Variants in SVOP observed in about 807,000 individuals in gnomAD.
SVOP encodes the protein SV2 related protein.
Under a neutral mutation model 69.1 loss-of-function variants are expected in SVOP, and 17 were observed. The observed-to-expected ratio is 0.25, with a 90% CI of 0.17 to 0.37. SVOP has a LOEUF of 0.37. Among genes scored for constraint, SVOP ranks in the 10% least tolerant of loss-of-function variants. SVOP has a pLI of 1.00. For synonymous variants in SVOP, 238 were observed against 238.6 expected, an observed-to-expected ratio of 1.00 and a Z score of 0.02; for missense variants, 435 against 597.5, an observed-to-expected ratio of 0.73 and a Z score of 2.84.
At chr12:108,978,051 A>AC (rs1333332570) in intron 3 of SVOP, among the ~76,000 whole-genome samples, 2 of 152,196 alleles carry the variant, frequency 1.3e-5, no homozygotes, top group Non-Finnish European at 2.9e-5. Flanking sequence ...AATTTGGTAT[A>AC]CGATAAAGGC....
intron 5 of SVOP, among the ~76,000 whole-genome samples, chr12:108,961,377 T>C (rs1233268571): frequency 1.3e-5 from 2 of 152,122 alleles, no homozygotes; most frequent in Non-Finnish European, 2.9e-5. Flanking sequence ...TGAAACTCTG[T>C]TTCTGATGAT....
chr12:108,990,174 T>G (rs2040191731), intron 1 of SVOP, among the ~76,000 whole-genome samples: 1 of 152,160 alleles, frequency 6.6e-6, no homozygotes, highest in Non-Finnish European at 1.5e-5. Context: ...TAAACTGAGC[T>G]GGCTTGTGTG....
intron 5 of SVOP, among the ~76,000 whole-genome samples, chr12:108,971,315 G>T (rs560718557): frequency 6.6e-6 from 1 of 152,092 alleles, no homozygotes; most frequent in East Asian, 1.9e-4. Context: ...TGTAATCCCA[G>T]CTACTTGGGT....
At chr12:108,965,640 A>G (rs2040040749) in intron 5 of SVOP, among the ~76,000 whole-genome samples, 1 of 61,554 alleles carries the variant, frequency 1.6e-5, no homozygotes, top group African/African-American at 3.3e-5. Flanking sequence ...GATAAATAAA[A>G]CACATCGGGG....
At chr12:108,970,824 G>A (rs1025496041) in intron 5 of SVOP, among the ~76,000 whole-genome samples, 1 of 151,816 alleles carries the variant, frequency 6.6e-6, no homozygotes, top group African/African-American at 2.4e-5. Flanking sequence ...AGACCAGCCT[G>A]GGCAACATAG....
chr12:108,997,086 G>A (rs1227889236), intron 1 of SVOP, among the ~76,000 whole-genome samples: 3 of 152,288 alleles, frequency 2.0e-5, no homozygotes, highest in Non-Finnish European at 2.9e-5. Flanking sequence ...GACAGTGGGC[G>A]CAGGTCAGTG....
At chr12:108,927,151 T>C (rs769926639) in intron 11 of SVOP, among the ~76,000 whole-genome samples, 23 of 152,222 alleles carry the variant, frequency 1.5e-4, no homozygotes, top group East Asian at 1.9e-4. Context: ...CCTGGGGGAT[T>C]GGGGGCTTGA....
At chr12:108,988,838 T>C (rs1446733996) in intron 1 of SVOP, among the ~76,000 whole-genome samples, 3 of 146,644 alleles carry the variant, frequency 2.0e-5, no homozygotes, top group Non-Finnish European at 4.5e-5. Context: ...AATGGCATGA[T>C]CTCTGGTAAC....
chr12:108,985,826 A>G (rs1249033872), intron 1 of SVOP, among the ~76,000 whole-genome samples: 2 of 152,258 alleles, frequency 1.3e-5, no homozygotes, highest in Non-Finnish European at 2.9e-5. Flanking sequence ...ATTATTAACG[A>G]TTGCATCATT....
At chr12:108,932,755 A>C (rs2039829357) in intron 11 of SVOP, among the ~76,000 whole-genome samples, 1 of 152,158 alleles carries the variant, frequency 6.6e-6, no homozygotes, top group Non-Finnish European at 1.5e-5. Flanking sequence ...CAAAGATCGT[A>C]AGACCGACAA....
intron 11 of SVOP, among the ~76,000 whole-genome samples, chr12:108,929,826 C>A (rs1345306007): frequency 6.6e-6 from 1 of 152,170 alleles, no homozygotes; most frequent in Non-Finnish European, 1.5e-5. Flanking sequence ...CACTTCTGTC[C>A]AGCTCTGGCT....
chr12:108,951,972 T>C (rs1457213936), intron 6 of SVOP, among the ~76,000 whole-genome samples: 2 of 152,184 alleles, frequency 1.3e-5, no homozygotes, highest in African/African-American at 4.8e-5. Flanking sequence ...TAGTTCCAAG[T>C]ATAGGCCTCA....
chr12:108,949,218 C>A (rs956657373), intron 6 of SVOP, among the ~76,000 whole-genome samples: 1 of 152,020 alleles, frequency 6.6e-6, no homozygotes, highest in Non-Finnish European at 1.5e-5. Flanking sequence ...CCCCAACTCC[C>A]ATTCCTCTCC....
intron 1 of SVOP, among the ~76,000 whole-genome samples, chr12:109,011,866 T>C (rs1181588674): frequency 1.3e-5 from 2 of 152,160 alleles, no homozygotes; most frequent in African/African-American, 4.8e-5. Flanking sequence ...AGACAAATAC[T>C]GCATGATCTC....
intron 1 of SVOP, among the ~76,000 whole-genome samples, chr12:108,987,491 CTA>C (rs1404462647): frequency 5.9e-5 from 9 of 152,164 alleles, no homozygotes; most frequent in Non-Finnish European, 1.5e-5. Context: ...AAGGGTTATT[CTA>C]TGTTTTATTT....
In SVOP at chr12:108,918,120, C is replaced by T. The variant is rs1406633979; in HGVS notation, c.1273G>A (p.Val425Met). Residue 425 changes from valine (V) to methionine (M), a missense_variant, in exon 14 of 16, where the codon GTG (valine) becomes ATG (methionine). Coordinates refer to ENST00000610966, the MANE Select transcript of SVOP (RefSeq NM_018711.5). Reference sequence around the variant, plus strand: ...GCAATGAAGAGTAACAGAGTGAGCACATTTCTAGGAGGAGGATAAAGGCAG... The same window carrying T: ...GCAATGAAGAGTAACAGAGTGAGCATATTTCTAGGAGGAGGATAAAGGCAG... ...LLLFICVGRN[V>M]LTLLLFIARA... 6.4e-7 allele frequency: 1 copy of T among 1,565,036 alleles called. No homozygotes were observed. The highest frequency in any genetic ancestry group is 1.9e-5 in the Admixed American group (1 of 52,358).
chr12:108,974,861 C>T (rs139422251), intron 4 of SVOP, among the ~76,000 whole-genome samples: 101,925 of 152,024 alleles, frequency 0.67, 34,666 homozygotes, highest in East Asian at 0.79. Context: ...CAAATGATGG[C>T]AGATATCAGG....
chr12:108,922,879 C>G (rs1460364671), intron 11 of SVOP, 82 bp from the exon 12 acceptor site: 9 of 955,810 alleles, frequency 9.4e-6, no homozygotes, highest in Non-Finnish European at 1.5e-5. Flanking sequence ...ACCTCCTTCC[C>G]TGGGGTGATT....
intron 7 of SVOP, among the ~76,000 whole-genome samples, chr12:108,941,506 T>C (rs1449614231): frequency 6.6e-6 from 1 of 151,986 alleles, no homozygotes; most frequent in Non-Finnish European, 1.5e-5. Flanking sequence ...CAGCCTCAAA[T>C]TTTTTATTGT....
Sources: gnomAD v4.1 joint callset for allele counts (sites outside exome capture counted in the v4.1 genomes callset) on GRCh38, gnomAD v4.1.1 for gene constraint, MANE v1.5 for transcripts, NCBI Gene and HGNC (gene_info 2026-07-23, HGNC 2026-07-21) for gene names.